ADAM12: variants seen among roughly 807,000 people sequenced by gnomAD.
ADAM12 encodes disintegrin and metalloproteinase domain-containing protein 12.
In ADAM12, 70 loss-of-function variants were observed where a neutral mutation model predicts 106.4. The observed-to-expected ratio is 0.66, with a 90% CI of 0.54 to 0.80. The LOEUF is 0.80. Among genes scored for constraint, ADAM12 ranks in the 30% least tolerant of loss-of-function variants. The pLI is 0.00. For missense variants in ADAM12, 1,010 were observed against 1,171.9 expected (o/e 0.86, Z 2.02); for synonymous variants, 420 against 433.5 (o/e 0.97, Z 0.39).
At chr10:126,194,416 G>A (rs548736172) in intron 3 of ADAM12, among the ~76,000 whole-genome samples, 1 of 152,178 alleles carries the variant, frequency 6.6e-6, no homozygotes, top group East Asian at 1.9e-4. Context: ...ACCATTTATC[G>A]GGAAGCAGAC....
At chr10:126,158,738 T>G (rs1201406617) in intron 3 of ADAM12, among the ~76,000 whole-genome samples, 1 of 96,768 alleles carries the variant, frequency 1.0e-5, no homozygotes, top group Non-Finnish European at 2.0e-5. Flanking sequence ...TCGGAGAGCA[T>G]GGGGGTGGGG....
intron 1 of ADAM12, among the ~76,000 whole-genome samples, chr10:126,355,178 C>A (rs370128830): frequency 6.6e-6 from 1 of 151,564 alleles, no homozygotes; most frequent in Admixed American, 6.6e-5. Context: ...AACATTCGGC[C>A]AAAAAATCAC....
At chr10:126,341,153 C>T (rs1854915239) in intron 1 of ADAM12, among the ~76,000 whole-genome samples, 1 of 152,156 alleles carries the variant, frequency 6.6e-6, no homozygotes, top group African/African-American at 2.4e-5. Flanking sequence ...CTTTTCCTCC[C>T]AACCCAAGTT....
At chr10:126,021,228 G>GAGAC (rs898517579) in intron 21 of ADAM12, among the ~76,000 whole-genome samples, 1 of 152,128 alleles carries the variant, frequency 6.6e-6, no homozygotes, top group African/African-American at 2.4e-5. Flanking sequence ...AACCTCCAGG[G>GAGAC]AGACAGAACA....
At chr10:126,318,663 C>T (rs994962083) in intron 2 of ADAM12, among the ~76,000 whole-genome samples, 1 of 152,240 alleles carries the variant, frequency 6.6e-6, no homozygotes, top group South Asian at 2.1e-4. Context: ...AAAGAACTCT[C>T]AATAGCCAAA....
At chr10:126,186,231 C>A (rs1200170058) in intron 3 of ADAM12, among the ~76,000 whole-genome samples, 1 of 152,130 alleles carries the variant, frequency 6.6e-6, no homozygotes, top group Non-Finnish European at 1.5e-5. Context: ...GTAATCCCCG[C>A]GGGGCAGAAA....
chr10:126,074,124 C>A (rs1955053321), intron 11 of ADAM12, among the ~76,000 whole-genome samples: 1 of 152,144 alleles, frequency 6.6e-6, no homozygotes, highest in Non-Finnish European at 1.5e-5. Flanking sequence ...TGATACGCAA[C>A]TTAGTTCTGT....
At chr10:126,171,119 A>G (rs1214667625) in intron 3 of ADAM12, among the ~76,000 whole-genome samples, 1 of 152,200 alleles carries the variant, frequency 6.6e-6, no homozygotes, top group East Asian at 1.9e-4. Context: ...TTTCTTATTC[A>G]ATTCCAGCCT....
intron 21 of ADAM12, 81 bp from the exon 22 acceptor site, chr10:126,019,906 A>G (rs964661526): frequency 1.4e-6 from 2 of 1,449,112 alleles, no homozygotes; most frequent in Non-Finnish European, 1.8e-6. Context: ...GCCGCTTGGC[A>G]CAGGCCCTGC....
At chr10:126,132,697 T>C (rs1385575677) in intron 5 of ADAM12, among the ~76,000 whole-genome samples, 1 of 152,058 alleles carries the variant, frequency 6.6e-6, no homozygotes, top group Non-Finnish European at 1.5e-5. Context: ...TGTTTGAACA[T>C]GCAAACTTCC....
intron 1 of ADAM12, among the ~76,000 whole-genome samples, chr10:126,336,279 A>C (rs1854696755): frequency 6.6e-6 from 1 of 152,194 alleles, no homozygotes; most frequent in Non-Finnish European, 1.5e-5. Flanking sequence ...AAGTCTACTA[A>C]GAATAATTTT....
At chr10:126,331,730 G>A (rs1342190776) in intron 1 of ADAM12, among the ~76,000 whole-genome samples, 1 of 152,182 alleles carries the variant, frequency 6.6e-6, no homozygotes, top group East Asian at 1.9e-4. Flanking sequence ...GGGGAAGGAA[G>A]GAGGGAGGGG....
At chr10:126,368,352 ATTTGTTTTTTTTTTTTTTTTTTT>A (rs1564760223) in intron 1 of ADAM12, among the ~76,000 whole-genome samples, 2 of 125,542 alleles carry the variant, frequency 1.6e-5, no homozygotes, top group Non-Finnish European at 3.3e-5. Flanking sequence ...AGATTGTGTG[ATTTGTTTTTTTTTTTTTTTTTTT>A]TACAAAGGAC....
At chr10:126,059,180 GAA>G (rs1954698454) in intron 14 of ADAM12, among the ~76,000 whole-genome samples, 2 of 151,824 alleles carry the variant, frequency 1.3e-5, no homozygotes, top group African/African-American at 4.8e-5. Context: ...TATTTTTTTT[GAA>G]AGAGAAATGA....
At chr10:126,355,606 A>G (rs1590818814) in intron 1 of ADAM12, among the ~76,000 whole-genome samples, 1 of 152,350 alleles carries the variant, frequency 6.6e-6, no homozygotes, top group East Asian at 1.9e-4. Flanking sequence ...ATGGTGCCAC[A>G]CAGAGAGGAT....
chr10:126,323,849 C>A (rs1421109254), intron 2 of ADAM12, among the ~76,000 whole-genome samples: 1 of 152,200 alleles, frequency 6.6e-6, no homozygotes, highest in Non-Finnish European at 1.5e-5. Flanking sequence ...TATACAGGTT[C>A]AGCATTTCTT....
intron 2 of ADAM12, among the ~76,000 whole-genome samples, chr10:126,289,512 G>T (rs1329743553): frequency 1.3e-5 from 2 of 152,220 alleles, no homozygotes; most frequent in African/African-American, 4.8e-5. Flanking sequence ...ATGAGGAGGT[G>T]TGCTCACCAT....
At chr10:126,349,615 T>C (rs7902625) in intron 1 of ADAM12, among the ~76,000 whole-genome samples, 2,333 of 152,244 alleles carry the variant, frequency 0.015, 72 homozygotes, top group African/African-American at 0.054. Context: ...CACTATAAAA[T>C]AAACATTTGC....
rs117020649 is a variant in ADAM12, at chr10:126,072,812, G to C, written c.1146-1158C>G. ...ATTACTTAGAGAGGGAGCAGGGGCTGCTGTCCAGCAAACCCAAGCACCCTC... is the reference window on the plus strand; with the variant it reads ...ATTACTTAGAGAGGGAGCAGGGGCTCCTGTCCAGCAAACCCAAGCACCCTC... On this transcript the variant is annotated intron_variant, in intron 11 of 22. Transcript: ENST00000448723. 2.4e-4 allele frequency among the ~76,000 whole-genome samples: 37 copies of C among 152,328 alleles called. No individual in the cohort carries two copies. The East Asian group carries it at 5.4e-3, about 22-fold the overall frequency.
Sources: gnomAD v4.1 joint callset for allele counts (sites outside exome capture counted in the v4.1 genomes callset) on GRCh38, gnomAD v4.1.1 for gene constraint, MANE v1.5 for transcripts, NCBI Gene and HGNC (gene_info 2026-07-23, HGNC 2026-07-21) for gene names.